The following NSMCE4A variants were observed in gnomAD, a reference collection of about 807,000 sequenced individuals.
NSMCE4A encodes non-structural maintenance of chromosomes element 4 homolog A.
A neutral mutation model predicts 47.9 loss-of-function variants in NSMCE4A; 40 were observed. The ratio of observed to expected loss-of-function variants is 0.83; its 90% CI spans 0.65 to 1.09. The LOEUF (loss-of-function observed/expected upper bound fraction) is 1.09. NSMCE4A is among the 50% of genes least tolerant of loss of function. The pLI, the probability that NSMCE4A is intolerant of heterozygous loss-of-function variation, is 0.00. For synonymous variants in NSMCE4A, 166 were observed against 178.5 expected (o/e 0.93, Z 0.56); for missense variants, 500 against 507.0 (o/e 0.99, Z 0.13).
chr10:121,971,499 G>C (rs1030523362), intron 2 of NSMCE4A, among the ~76,000 whole-genome samples: 2 of 148,974 alleles, frequency 1.3e-5, no homozygotes, highest in Admixed American at 1.4e-4. Flanking sequence ...AGAGCAAGAG[G>C]CTGTCTCAAA....
intron 1 of NSMCE4A, 166 bp from the exon 2 acceptor site, chr10:121,974,247 A>C: frequency 7.0e-7 from 1 of 1,419,196 alleles, no homozygotes; most frequent in South Asian, 1.5e-5. Context: ...AAAAGGAGAA[A>C]GGCCACCCTA....
chr10:121,968,117 G>A (rs1952641601), intron 3 of NSMCE4A, among the ~76,000 whole-genome samples: 1 of 152,176 alleles, frequency 6.6e-6, no homozygotes, highest in South Asian at 2.1e-4. Context: ...GCAATACCTG[G>A]AGACATTTGT....
intron 5 of NSMCE4A, among the ~76,000 whole-genome samples, chr10:121,964,210 T>C (rs1180062954): frequency 7.0e-6 from 1 of 142,066 alleles, no homozygotes; most frequent in Admixed American, 7.0e-5. Context: ...TGGTGCCATC[T>C]CGGCTCACTG....
rs7086745 is a variant in NSMCE4A, at chr10:121,972,113, A to G, written c.371-1044T>C. Among the ~76,000 whole-genome samples, 912 of 152,340 alleles carry G rather than the reference A, an allele frequency of 6.0e-3. 13 individuals carry two copies. Among genetic ancestry groups the G allele is most frequent in the African/African-American group, 0.021 (876 of 41,578 alleles). On this transcript the variant is annotated intron_variant, in intron 2 of 10. Coordinates refer to ENST00000369023, the MANE Select transcript of NSMCE4A (RefSeq NM_017615.3). ...AGGCAGGCGGATCACTTTGAGCTCC[A>G]AAGTTTGAGACCAGCCTGGGCAACG...
chr10:121,966,918 G>A (rs1160914248), intron 4 of NSMCE4A: 1 of 152,128 alleles, frequency 6.6e-6, no homozygotes, highest in African/African-American at 2.4e-5. Flanking sequence ...AAATGAACTG[G>A]ACAGTTTATG....
At chr10:121,974,601 T>G in intron 1 of NSMCE4A, 1 of 1,049,132 alleles carries the variant, frequency 9.5e-7, no homozygotes, top group Non-Finnish European at 1.1e-6. Flanking sequence ...ACTGGCTGGC[T>G]GGGCTCGGGC....
Position 121,959,360 on chromosome 10 carries a change from C to T in NSMCE4A, c.1134G>A (p.Gln378=). 1 of 1,614,238 alleles carries T rather than the reference C, an allele frequency of 6.2e-7. No homozygotes were observed. Among genetic ancestry groups the T allele is most frequent in the Non-Finnish European group, 8.5e-7 (1 of 1,180,046 alleles). ...EISEPVITPS[Q]RQQKPSA ...ATCAAGCACTTGGCTTCTGCTGCCT[C>T]TGACTTGGAGTAATCACAGGCTCTG... The change falls in exon 10 of 11, where the codon CAG becomes CAA. Residue 378 remains glutamine (Q), a synonymous_variant. Coordinates refer to ENST00000369023, the MANE Select transcript of NSMCE4A (RefSeq NM_017615.3).
intron 7 of NSMCE4A, 98 bp downstream of exon 7, chr10:121,961,325 T>TTTATATATATATATAACA: frequency 1.4e-6 from 1 of 737,394 alleles, no homozygotes; most frequent in Admixed American, 3.6e-5. Flanking sequence ...TACTGGCTAG[T>TTTATATATATATATAACA]GTATACAGAT....
Position 121,975,191 on chromosome 10 carries a change from G to A in NSMCE4A, c.-26C>T. Reference sequence around the variant, plus strand: ...AGCGCCAATTCACCGTGCAACTTCGGAACGGCGGAAGTTCGCGCCAGAAAC... The same window carrying A: ...AGCGCCAATTCACCGTGCAACTTCGAAACGGCGGAAGTTCGCGCCAGAAAC... On this transcript the variant is annotated 5_prime_UTR_variant, in exon 1 of 11. Transcript: ENST00000369023. The A allele has an allele frequency of 2.2e-6, 3 of 1,353,280 alleles. No homozygotes were observed. The highest frequency in any genetic ancestry group is 1.8e-5 in the South Asian group (1 of 56,572). 83.8% of individuals were successfully genotyped at this position (1,353,280 alleles called of 1,614,324 possible).
chr10:121,970,020 T>C (rs951896975), intron 3 of NSMCE4A, among the ~76,000 whole-genome samples: 1 of 151,950 alleles, frequency 6.6e-6, no homozygotes, highest in Non-Finnish European at 1.5e-5. Flanking sequence ...CCAGCCAGAA[T>C]AGAATTTTTT....
In NSMCE4A at chr10:121,975,114, C is replaced by T. The variant is rs767795839; in HGVS notation, c.52G>A (p.Asp18Asn). 5.4e-4 allele frequency: 772 copies of T among 1,428,266 alleles called. 2 individuals are homozygous for T. The highest frequency in any genetic ancestry group is 2.5e-3 in the Middle Eastern group (10 of 4,008). 88.5% of individuals were successfully genotyped at this position (1,428,266 alleles called of 1,614,324 possible). A position where few individuals can be genotyped will look rare whatever the true frequency, so the allele number is the denominator to read the frequency against. ...GAGCGGGTGCGATCCCGATGCGGGT[C>T]GCGGCCCCGGCCCCGGCCCTCTGGC... is the stretch of plus-strand genomic sequence containing the variant. ...RGPEGRGRGR[D>N]PHRDRTRSRS... The change falls in exon 1 of 11, where the codon GAC (aspartate) becomes AAC (asparagine). Residue 18 changes from aspartate (D) to asparagine (N), a missense_variant. Transcript: ENST00000369023.
chr10:121,963,957 A>G (rs11200288), intron 5 of NSMCE4A, among the ~76,000 whole-genome samples: 42,004 of 140,580 alleles, frequency 0.3, 6,114 homozygotes, highest in South Asian at 0.45. Flanking sequence ...TTAGCCGGGC[A>G]TGGTGGTGCC....
chr10:121,975,122 C>T lies in NSMCE4A; in HGVS notation c.44G>A (p.Arg15Gln). The change falls in exon 1 of 11, where the codon CGG becomes CAG. Residue 15 changes from arginine to glutamine, a missense_variant. Coordinates refer to ENST00000369023, the MANE Select transcript of NSMCE4A (RefSeq NM_017615.3). Reference protein sequence around the residue: ...SSGRGPEGRGRGRDPHRDRTR... With the variant: ...SSGRGPEGRGQGRDPHRDRTR... ...GCGATCCCGATGCGGGTCGCGGCCC[C>T]GGCCCCGGCCCTCTGGCCCGCGGCC... 5 of 1,419,784 alleles carry T rather than the reference C, an allele frequency of 3.5e-6. No homozygotes were observed. Among genetic ancestry groups the T allele is most frequent in the Non-Finnish European group, 4.6e-6 (5 of 1,098,618 alleles). The allele number at this position is 1,419,784 out of a possible 1,614,324, so 87.9% of individuals were successfully genotyped here.
intron 3 of NSMCE4A, among the ~76,000 whole-genome samples, chr10:121,968,831 T>C (rs1307819751): frequency 1.3e-5 from 2 of 152,144 alleles, no homozygotes; most frequent in East Asian, 3.9e-4. Flanking sequence ...CTCTTCTCCA[T>C]TCCCTTGCCG....
At chr10:121,974,140 A>C in intron 1 of NSMCE4A, 59 bp from the exon 2 acceptor site, 1 of 1,455,690 alleles carries the variant, frequency 6.9e-7, no homozygotes, top group Admixed American at 1.9e-5. Context: ...TAAGCAGTTG[A>C]CAAGGTTATC....
At chr10:121,971,096 A>T in intron 2 of NSMCE4A, 27 bp from the exon 3 acceptor site, 1 of 1,598,350 alleles carries the variant, frequency 6.3e-7, no homozygotes, top group East Asian at 2.2e-5. Flanking sequence ...GAAAATATTC[A>T]CATTACAAAA....
chr10:121,963,381 TTTC>T, intron 5 of NSMCE4A, 53 bp from the exon 6 acceptor site: 1 of 1,048,934 alleles, frequency 9.5e-7, no homozygotes, highest in African/African-American at 1.6e-5. Context: ...CTATTAACGT[TTTC>T]TTCTCTCTTG....
intron 3 of NSMCE4A, among the ~76,000 whole-genome samples, chr10:121,968,838 G>A (rs1952652898): frequency 6.6e-6 from 1 of 152,088 alleles, no homozygotes; most frequent in South Asian, 2.1e-4. Context: ...CCATTCCCTT[G>A]CCGCCCGAAC....
In NSMCE4A at chr10:121,967,816, T is replaced by C. The variant is rs761265623; in HGVS notation, c.502-10A>G. ...CACCCATATGTGTGAGCTACAAAAA[T>C]GAAGGAAAACAAAAAACCCAGTTAA... On this transcript the variant is annotated splice_polypyrimidine_tract_variant and intron_variant, in intron 3 of 10. Transcript: ENST00000369023. 1.4e-4 allele frequency: 225 copies of C among 1,594,450 alleles called. No homozygotes were observed. Among genetic ancestry groups the C allele is most frequent in the Non-Finnish European group, 1.7e-4 (195 of 1,174,822 alleles).
Sources: gnomAD v4.1 joint callset for allele counts (sites outside exome capture counted in the v4.1 genomes callset) on GRCh38, gnomAD v4.1.1 for gene constraint, MANE v1.5 for transcripts, NCBI Gene and HGNC (gene_info 2026-07-23, HGNC 2026-07-21) for gene names.